The following EPHA5 variants were observed in gnomAD, a reference collection of about 807,000 sequenced individuals.
EPHA5 encodes ephrin type-A receptor 5.
In EPHA5, 60 loss-of-function variants were observed where a neutral mutation model predicts 105.0. That is an observed-to-expected ratio of 0.57 (90% CI 0.46 to 0.71). The LOEUF (loss-of-function observed/expected upper bound fraction) is 0.71, where lower values mean the gene tolerates loss of function less well. Among genes scored for constraint, EPHA5 ranks in the 30% least tolerant of loss-of-function variants. The pLI, the probability that EPHA5 is intolerant of heterozygous loss-of-function variation, is 0.00. For missense variants in EPHA5, 1,218 were observed against 1,274.7 expected, an observed-to-expected ratio of 0.96 and a Z score of 0.68; for synonymous variants, 513 against 449.1, an observed-to-expected ratio of 1.14 and a Z score of -1.80.
At chr4:65,445,415 C>T (rs1458158775) in intron 5 of EPHA5, among the ~76,000 whole-genome samples, 1 of 151,996 alleles carries the variant, frequency 6.6e-6, no homozygotes, top group Non-Finnish European at 1.5e-5. Flanking sequence ...ATGAAAAAGC[C>T]TAGTTCAAAG....
intron 5 of EPHA5, among the ~76,000 whole-genome samples, chr4:65,459,804 A>T (rs1172950212): frequency 1.3e-5 from 2 of 151,844 alleles, no homozygotes. Context: ...TCAATATGGG[A>T]GACAGTAATT....
chr4:65,493,246 T>C (rs1488208782), intron 4 of EPHA5, among the ~76,000 whole-genome samples: 1 of 152,150 alleles, frequency 6.6e-6, no homozygotes, highest in East Asian at 1.9e-4. Context: ...GCCCCAATCA[T>C]AGATATGATG....
At chr4:65,594,113 G>T (rs993740736) in intron 3 of EPHA5, among the ~76,000 whole-genome samples, 6 of 151,892 alleles carry the variant, frequency 4.0e-5, no homozygotes, top group Non-Finnish European at 7.4e-5. Flanking sequence ...TAAAACAAAA[G>T]GACTATTTTT....
intron 3 of EPHA5, among the ~76,000 whole-genome samples, chr4:65,569,968 A>C (rs1739950259): frequency 6.6e-6 from 1 of 151,674 alleles, no homozygotes; most frequent in Non-Finnish European, 1.5e-5. Flanking sequence ...TACAGTCCTA[A>C]ATTTCTAAGT....
chr4:65,433,043 G>A (rs2149067589), intron 5 of EPHA5, among the ~76,000 whole-genome samples: 1 of 152,098 alleles, frequency 6.6e-6, no homozygotes, highest in South Asian at 2.1e-4. Context: ...GATGTAGCAT[G>A]GTGATCTATG....
chr4:65,484,230 A>G (rs931028740), intron 5 of EPHA5, among the ~76,000 whole-genome samples: 2 of 152,128 alleles, frequency 1.3e-5, no homozygotes, highest in African/African-American at 2.4e-5. Flanking sequence ...TGCTTTCACC[A>G]TATTGTTCTA....
chr4:65,635,546 C>T lies in EPHA5; in HGVS notation c.246+7817G>A, dbSNP rs534102187. ...CTCAGTGGGGAGAAGACTGGTTCCA[C>T]CAAAGCAAAGGAGGCAGGTGTATCT... is the stretch of plus-strand genomic sequence containing the variant. On this transcript the variant is annotated intron_variant, in intron 2 of 16. Transcript: ENST00000613740. Among the ~76,000 whole-genome samples, 165 of 152,086 alleles carry T rather than the reference C, an allele frequency of 1.1e-3. 2 individuals are homozygous for T. In the South Asian group the frequency reaches 0.014, roughly 13 times the overall value.
Position 65,548,054 on chromosome 4 carries a change from A to G in EPHA5, c.911-52511T>C, listed in dbSNP as rs1229264362. On this transcript the variant is annotated intron_variant, in intron 3 of 16. Coordinates refer to ENST00000613740, the MANE Select transcript of EPHA5 (RefSeq NM_001281766.3). ...ATAAAATATACAACACATAAATATA[A>G]CCAGGACCATAAAATAGGACAATAT... Among the ~76,000 whole-genome samples, 3 of 151,394 alleles carry G rather than the reference A, an allele frequency of 2.0e-5. No homozygotes were observed. The Admixed American group carries it at 2.0e-4, about 10-fold the overall frequency.
At chr4:65,381,622 A>G (rs1719570945) in intron 8 of EPHA5, among the ~76,000 whole-genome samples, 2 of 151,984 alleles carry the variant, frequency 1.3e-5, no homozygotes, top group South Asian at 2.1e-4. Context: ...CAATGTTAAT[A>G]GTTTTATACA....
intron 3 of EPHA5, among the ~76,000 whole-genome samples, chr4:65,565,690 T>C (rs1269908768): frequency 6.6e-6 from 1 of 150,506 alleles, no homozygotes; most frequent in Non-Finnish European, 1.5e-5. Context: ...AAAATAGCCA[T>C]TAAAAAAAAA....
At chr4:65,603,064 T>C (rs538392579) in intron 2 of EPHA5, among the ~76,000 whole-genome samples, 47 of 152,236 alleles carry the variant, frequency 3.1e-4, no homozygotes, top group Non-Finnish European at 5.9e-4. Flanking sequence ...TTGCGATATG[T>C]TGGGACCCCA....
Position 65,351,525 on chromosome 4 carries a change from A to G in EPHA5, c.2309T>C (p.Leu770Pro). 6.2e-7 allele frequency: 1 copy of G among 1,613,802 alleles called. No homozygotes were observed. ...TCTATGCACATAGCCCATGTCAGAA[A>G]GGTACTTCATTCCTGCAGAGATACC... ...LRGISAGMKY[L>P]SDMGYVHRDL... Residue 770 changes from leucine (L) to proline (P), a missense_variant, in exon 13 of 17, where the codon CTT becomes CCT. Physicochemically the swap from Leu to Pro is moderately conservative, Grantham distance 98 (BLOSUM62 -3). Around this residue, in one of 3 missense-constraint regions of EPHA5, gnomAD observed 971 missense variants for 1,013.5 expected, o/e 0.96. Coordinates refer to ENST00000613740, the MANE Select transcript of EPHA5 (RefSeq NM_001281766.3).
At chr4:65,479,648 T>C (rs1041041947) in intron 5 of EPHA5, among the ~76,000 whole-genome samples, 1 of 152,162 alleles carries the variant, frequency 6.6e-6, no homozygotes, top group African/African-American at 2.4e-5. Context: ...ATACAGAATG[T>C]CCACAAATTA....
chr4:65,417,358 A>G (rs1723487673), intron 6 of EPHA5, among the ~76,000 whole-genome samples: 1 of 152,250 alleles, frequency 6.6e-6, no homozygotes, highest in African/African-American at 2.4e-5. Context: ...AACTCAATAC[A>G]TGGTATAAAA....
At chr4:65,493,995 A>G (rs978971959) in intron 4 of EPHA5, among the ~76,000 whole-genome samples, 18 of 152,196 alleles carry the variant, frequency 1.2e-4, no homozygotes, top group African/African-American at 4.3e-4. Flanking sequence ...CATAAGCAAA[A>G]TAATTATTGA....
chr4:65,510,055 A>C (rs965726371), intron 3 of EPHA5, among the ~76,000 whole-genome samples: 3 of 128,400 alleles, frequency 2.3e-5, no homozygotes, highest in Non-Finnish European at 3.2e-5. Context: ...TTTTTTCGAG[A>C]TGGAGTTTCA....
chr4:65,456,944 T>C (rs971451398), intron 5 of EPHA5, among the ~76,000 whole-genome samples: 7 of 152,158 alleles, frequency 4.6e-5, no homozygotes, highest in East Asian at 1.9e-4. Flanking sequence ...TGCTATCTCA[T>C]TGTAGCAATG....
intron 3 of EPHA5, among the ~76,000 whole-genome samples, chr4:65,585,700 T>C (rs1158810634): frequency 6.6e-6 from 1 of 151,872 alleles, no homozygotes; most frequent in African/African-American, 2.4e-5. Context: ...TAGCTGTGTA[T>C]CTCTCCTTTA....
intron 11 of EPHA5, among the ~76,000 whole-genome samples, chr4:65,355,221 T>C (rs2148865929): frequency 6.6e-6 from 1 of 151,772 alleles, no homozygotes; most frequent in African/African-American, 2.4e-5. Context: ...TTTTTTCTCT[T>C]CTTAAATCAT....
Sources: gnomAD v4.1 joint callset for allele counts (sites outside exome capture counted in the v4.1 genomes callset) on GRCh38, gnomAD v4.1.1 for gene constraint, gnomAD v4.1.1 regional missense constraint, MANE v1.5 for transcripts, NCBI Gene and HGNC (gene_info 2026-07-23, HGNC 2026-07-21) for gene names.